The following SGCZ variants were observed in gnomAD, a reference collection of about 807,000 sequenced individuals.
The protein encoded by SGCZ is zeta-sarcoglycan.
Under a neutral mutation model 41.3 loss-of-function variants are expected in SGCZ, and 40 were observed. The observed-to-expected ratio is 0.97, with a 90% confidence interval of 0.75 to 1.26. SGCZ has a LOEUF of 1.26. Among genes scored for constraint, SGCZ ranks in the 50% most tolerant of loss-of-function variants. The pLI is 0.00. For synonymous variants in SGCZ, 206 were observed against 137.5 expected (o/e 1.50, Z -3.49); for missense variants, 552 against 369.8 (o/e 1.49, Z -4.04).
intron 1 of SGCZ, among the ~76,000 whole-genome samples, chr8:14,907,259 A>G (rs1277263363): frequency 6.6e-6 from 1 of 152,060 alleles, no homozygotes; most frequent in Non-Finnish European, 1.5e-5. Context: ...GAATGGCGTA[A>G]TCATGGCTCA....
intron 3 of SGCZ, among the ~76,000 whole-genome samples, chr8:14,322,273 T>C (rs998283459): frequency 6.6e-6 from 1 of 152,022 alleles, no homozygotes; most frequent in East Asian, 1.9e-4. Context: ...CAAACAATAA[T>C]GAAGGAAGAC....
At chr8:14,484,973 G>A (rs1801634117) in intron 2 of SGCZ, among the ~76,000 whole-genome samples, 1 of 152,098 alleles carries the variant, frequency 6.6e-6, no homozygotes, top group Non-Finnish European at 1.5e-5. Flanking sequence ...GTCTTACCCT[G>A]AAATAATACA....
chr8:15,207,722 G>C (rs1158892430), intron 1 of SGCZ, among the ~76,000 whole-genome samples: 1 of 151,202 alleles, frequency 6.6e-6, no homozygotes, highest in Non-Finnish European at 1.5e-5. Flanking sequence ...GAAGTGAAAA[G>C]AAGTAGCCAG....
chr8:14,457,262 C>A (rs550966559), intron 2 of SGCZ, among the ~76,000 whole-genome samples: 1 of 152,168 alleles, frequency 6.6e-6, no homozygotes, highest in African/African-American at 2.4e-5. Context: ...TGAGGTGTAA[C>A]TAGAAAAGAG....
chr8:15,101,873 C>T (rs1038566918), intron 1 of SGCZ, among the ~76,000 whole-genome samples: 3 of 151,932 alleles, frequency 2.0e-5, no homozygotes, highest in Non-Finnish European at 2.9e-5. Context: ...TGCAGTGAGC[C>T]GAGATTGTGA....
intron 1 of SGCZ, among the ~76,000 whole-genome samples, chr8:15,020,998 TAA>T: frequency 6.6e-6 from 1 of 152,330 alleles, no homozygotes; most frequent in Non-Finnish European, 1.5e-5. Flanking sequence ...AAAATTTTGC[TAA>T]AAGAGACATT....
intron 2 of SGCZ, among the ~76,000 whole-genome samples, chr8:14,339,513 G>T (rs143857193): frequency 6.6e-6 from 1 of 152,068 alleles, no homozygotes; most frequent in Non-Finnish European, 1.5e-5. Flanking sequence ...CAGAATCATC[G>T]TCAATGTTTT....
chr8:14,782,038 G>C (rs1182561836), intron 1 of SGCZ, among the ~76,000 whole-genome samples: 2 of 152,094 alleles, frequency 1.3e-5, no homozygotes, highest in Non-Finnish European at 2.9e-5. Context: ...TAGTTGCTGA[G>C]AAATTTGGGT....
At chr8:15,105,422 G>C (rs1246605790) in intron 1 of SGCZ, among the ~76,000 whole-genome samples, 2 of 152,142 alleles carry the variant, frequency 1.3e-5, no homozygotes, top group African/African-American at 4.8e-5. Context: ...AGCATGGCTA[G>C]GGTGCCTCAG....
At chr8:14,729,062 T>C (rs1014138787) in intron 1 of SGCZ, among the ~76,000 whole-genome samples, 2 of 152,194 alleles carry the variant, frequency 1.3e-5, no homozygotes, top group African/African-American at 2.4e-5. Flanking sequence ...AGGAATCCAG[T>C]ATTTAAAATT....
intron 2 of SGCZ, among the ~76,000 whole-genome samples, chr8:14,451,127 A>G (rs950088134): frequency 6.6e-6 from 1 of 152,170 alleles, no homozygotes; most frequent in Non-Finnish European, 1.5e-5. Flanking sequence ...CGTTAAAAGC[A>G]GGGTTTCCTT....
In SGCZ at chr8:14,829,697, A is replaced by G. The variant is rs76348981; in HGVS notation, c.40-274771T>C. On this transcript the variant is annotated intron_variant, in intron 1 of 7. Coordinates refer to ENST00000382080, the MANE Select transcript of SGCZ (RefSeq NM_139167.4). The stretch of plus-strand genomic sequence containing the variant: ...TCTATTTTCTTACGTCTTTTCTTAC[A>G]GTAGTTAGATGCTTAACTAAAGTTG... Among the ~76,000 whole-genome samples the G allele has an allele frequency of 3.3e-3, 507 of 152,306 alleles. 6 individuals carry two copies. Among genetic ancestry groups the G allele is most frequent in the East Asian group, 0.012 (60 of 5,180 alleles).
intron 1 of SGCZ, among the ~76,000 whole-genome samples, chr8:15,084,543 G>A (rs766285248): frequency 5.3e-5 from 8 of 152,156 alleles, no homozygotes; most frequent in African/African-American, 9.7e-5. Flanking sequence ...CTGAGGTCAA[G>A]AGTTCGAGAC....
chr8:14,129,603 T>C (rs143533906), intron 5 of SGCZ, among the ~76,000 whole-genome samples: 2,796 of 151,708 alleles, frequency 0.018, 40 homozygotes, highest in Non-Finnish European at 0.027. Context: ...ACATCCATTA[T>C]AAAAGAAGAA....
chr8:15,133,628 C>T (rs1807997968), intron 1 of SGCZ, among the ~76,000 whole-genome samples: 1 of 152,160 alleles, frequency 6.6e-6, no homozygotes, highest in East Asian at 1.9e-4. Context: ...GCCACATAAC[C>T]ACAGTAAACT....
chr8:14,997,001 G>C (rs1452368172), intron 1 of SGCZ, among the ~76,000 whole-genome samples: 1 of 152,152 alleles, frequency 6.6e-6, no homozygotes, highest in Non-Finnish European at 1.5e-5. Flanking sequence ...CATTTGAAAA[G>C]GGTAGTTATG....
chr8:14,759,868 C>T (rs981202555), intron 1 of SGCZ, among the ~76,000 whole-genome samples: 1 of 152,170 alleles, frequency 6.6e-6, no homozygotes, highest in African/African-American at 2.4e-5. Context: ...TAAAACTTCA[C>T]CATGTGGCCC....
chr8:14,118,920 C>T (rs1201098465), intron 5 of SGCZ, among the ~76,000 whole-genome samples: 2 of 151,986 alleles, frequency 1.3e-5, no homozygotes, highest in Admixed American at 6.6e-5. Flanking sequence ...CATTGGTCTA[C>T]ATATCTGTTT....
intron 1 of SGCZ, among the ~76,000 whole-genome samples, chr8:15,018,429 G>A (rs1469261622): frequency 6.6e-6 from 1 of 152,146 alleles, no homozygotes; most frequent in Non-Finnish European, 1.5e-5. Flanking sequence ...TGAAAATGAC[G>A]AGGCAGTACT....
Sources: allele counts gnomAD v4.1 joint callset (sites outside exome capture counted in the v4.1 genomes callset), GRCh38; gene constraint gnomAD v4.1.1; transcripts MANE v1.5; gene names NCBI Gene and HGNC (gene_info 2026-07-23, HGNC 2026-07-21).